The following NEK1 variants were observed in gnomAD, a reference collection of about 807,000 sequenced individuals.
NEK1 encodes serine/threonine-protein kinase Nek1.
In NEK1, 137 loss-of-function variants were observed where a neutral mutation model predicts 182.1. The ratio of observed to expected loss-of-function variants is 0.75; its 90% CI spans 0.65 to 0.87. The LOEUF (loss-of-function observed/expected upper bound fraction) is 0.87. Ranked by LOEUF, NEK1 falls within the 40% of genes least tolerant of loss-of-function variation. The probability of loss-of-function intolerance (pLI) is 0.00; values close to 1 mark genes in which losing one functional copy is unlikely to be tolerated. For synonymous variants in NEK1, 513 were observed against 492.2 expected, an observed-to-expected ratio of 1.04 and a Z score of -0.56; for missense variants, 1,391 against 1,494.4, an observed-to-expected ratio of 0.93 and a Z score of 1.14.
intron 27 of NEK1, among the ~76,000 whole-genome samples, chr4:169,439,679 C>T (rs1245717927): frequency 6.6e-6 from 1 of 152,042 alleles, no homozygotes; most frequent in African/African-American, 2.4e-5. Context: ...GGATAAAAAT[C>T]TATTTCTTGT....
chr4:169,533,735 G>A (rs968028907), intron 19 of NEK1, among the ~76,000 whole-genome samples: 3 of 152,110 alleles, frequency 2.0e-5, no homozygotes, highest in Non-Finnish European at 4.4e-5. Context: ...ACAGTAAAAA[G>A]AGAGAAAAAG....
intron 27 of NEK1, among the ~76,000 whole-genome samples, chr4:169,451,099 A>G (rs1741653900): frequency 6.6e-6 from 1 of 152,224 alleles, no homozygotes; most frequent in Non-Finnish European, 1.5e-5. Context: ...TCTTAAATAT[A>G]TATGCACCCA....
intron 6 of NEK1, among the ~76,000 whole-genome samples, chr4:169,590,452 G>A (rs568752251): frequency 6.6e-6 from 1 of 152,246 alleles, no homozygotes; most frequent in South Asian, 2.1e-4. Flanking sequence ...TCTAGGTGGA[G>A]AGGAATGGGA....
intron 19 of NEK1, among the ~76,000 whole-genome samples, chr4:169,513,267 G>A (rs1325810470): frequency 6.6e-6 from 1 of 151,884 alleles, no homozygotes; most frequent in Non-Finnish European, 1.5e-5. Context: ...TTTTTCACCA[G>A]CATTTTGTCA....
At chr4:169,566,126 C>A (rs528196780) in intron 12 of NEK1, among the ~76,000 whole-genome samples, 1 of 151,956 alleles carries the variant, frequency 6.6e-6, no homozygotes. Context: ...CAACACCAAA[C>A]AATTAAGCAA....
At chr4:169,508,177 G>T in intron 21 of NEK1, 71 bp downstream of exon 21, 1 of 1,314,032 alleles carries the variant, frequency 7.6e-7, no homozygotes, top group Non-Finnish European at 1.0e-6. Flanking sequence ...GTTGTTAATG[G>T]CACAGCATTT....
intron 18 of NEK1, among the ~76,000 whole-genome samples, chr4:169,542,099 C>A (rs756410660): frequency 4.6e-5 from 7 of 152,102 alleles, no homozygotes; most frequent in Non-Finnish European, 7.4e-5. Flanking sequence ...TATACACATG[C>A]CATGGAGGTT....
At chr4:169,479,320 G>C in intron 24 of NEK1, 83 bp downstream of exon 24, 1 of 1,367,156 alleles carries the variant, frequency 7.3e-7, no homozygotes, top group Non-Finnish European at 1.0e-6. Flanking sequence ...AGGGACATTA[G>C]GGATTAATGT....
chr4:169,454,706 T>C (rs763047817), intron 27 of NEK1, among the ~76,000 whole-genome samples: 1 of 152,154 alleles, frequency 6.6e-6, no homozygotes, highest in Non-Finnish European at 1.5e-5. Flanking sequence ...TGTGGAGAAA[T>C]AGGAACGCTT....
At chr4:169,524,024 C>G (rs1023268777) in intron 19 of NEK1, among the ~76,000 whole-genome samples, 5 of 152,130 alleles carry the variant, frequency 3.3e-5, no homozygotes, top group African/African-American at 1.2e-4. Flanking sequence ...TTCAGAGGTT[C>G]TTCTGTTAAG....
rs1433686960 is a variant in NEK1 at position 169,599,145 on chromosome 4, A to G, written c.267T>C (p.Phe89=). The part of the protein sequence containing the change: ...VMDYCEGGDL[F]KRINAQKGVL... The stretch of plus-strand genomic sequence containing the variant: ...CGCCTTTCTGAGCATTTATTCGCTT[A>G]AACAGATCCCCTCCCTCACAGTAAT... The change falls in exon 5 of 36, where the codon TTT becomes TTC. Residue 89 remains phenylalanine, a synonymous_variant. Coordinates refer to ENST00000507142, the MANE Select transcript of NEK1 (RefSeq NM_001199397.3). The G allele has an allele frequency of 1.9e-6, 3 of 1,613,424 alleles. No homozygotes were observed. In the Admixed American group the frequency reaches 5.0e-5, roughly 27 times the overall value.
chr4:169,494,269 C>A (rs1750703602), intron 23 of NEK1, among the ~76,000 whole-genome samples: 1 of 152,046 alleles, frequency 6.6e-6, no homozygotes, highest in African/African-American at 2.4e-5. Flanking sequence ...CCACAACAGG[C>A]CCTGGTGTGT....
At chr4:169,409,716 C>G (rs1007212796) in intron 31 of NEK1, among the ~76,000 whole-genome samples, 5 of 151,856 alleles carry the variant, frequency 3.3e-5, no homozygotes, top group Non-Finnish European at 4.4e-5. Context: ...TGTAGTGAGC[C>G]GAGATCACAC....
At position 169,392,985 on chromosome 4, in the gene NEK1, T is replaced by C. The variant is rs2110899105; in HGVS notation, c.*1525A>G. ...GAGATGGCACAAATCTTATTGATCA[T>C]CCTTATTCCTGCACATATATAACAT... On this transcript the variant is annotated 3_prime_UTR_variant, in exon 36 of 36. Transcript: ENST00000507142. The C allele has an allele frequency of 6.6e-6, 1 of 152,342 alleles. No homozygotes were observed. The highest frequency in any genetic ancestry group is 2.4e-5 in the African/African-American group (1 of 41,576). The allele number at this position is 152,342 out of a possible 1,614,324, so 9.4% of individuals were successfully genotyped here. A position where few individuals can be genotyped will look rare whatever the true frequency, so the allele number is the denominator to read the frequency against.
chr4:169,536,746 A>G (rs908278515), intron 19 of NEK1, among the ~76,000 whole-genome samples: 2 of 152,232 alleles, frequency 1.3e-5, no homozygotes, highest in Non-Finnish European at 2.9e-5. Context: ...TAAGCCTACC[A>G]ATTCTTTTAA....
chr4:169,568,003 G>C (rs6840217), intron 12 of NEK1, among the ~76,000 whole-genome samples: 2 of 152,224 alleles, frequency 1.3e-5, no homozygotes, highest in African/African-American at 2.4e-5. Flanking sequence ...ACTTGATTCT[G>C]TCAGCCATAT....
intron 27 of NEK1, among the ~76,000 whole-genome samples, chr4:169,441,766 C>A (rs1383602752): frequency 1.3e-5 from 2 of 151,698 alleles, no homozygotes; most frequent in Non-Finnish European, 3.0e-5. Context: ...CCACACACAT[C>A]ATCTAGGGTC....
At chr4:169,550,092 C>T (rs1428851754) in intron 18 of NEK1, among the ~76,000 whole-genome samples, 1 of 152,150 alleles carries the variant, frequency 6.6e-6, no homozygotes. Flanking sequence ...CCCATAATTC[C>T]CATGTGTTGT....
intron 31 of NEK1, among the ~76,000 whole-genome samples, chr4:169,421,227 A>C (rs1735442865): frequency 6.6e-6 from 1 of 152,198 alleles, no homozygotes; most frequent in South Asian, 2.1e-4. Flanking sequence ...GATAAGTAGA[A>C]AGAAAATCAG....
Sources: gnomAD v4.1 joint callset for allele counts (sites outside exome capture counted in the v4.1 genomes callset) on GRCh38, gnomAD v4.1.1 for gene constraint, MANE v1.5 for transcripts, NCBI Gene and HGNC (gene_info 2026-07-23, HGNC 2026-07-21) for gene names.